Variants in PHLDB3 observed in about 807,000 individuals in gnomAD.
PHLDB3 encodes the protein pleckstrin homology like domain family B member 3.
In PHLDB3, 86 loss-of-function variants were observed where a neutral mutation model predicts 85.7. The ratio of observed to expected loss-of-function variants is 1.00; its 90% CI spans 0.84 to 1.20. The LOEUF is 1.20. PHLDB3 is among the 50% of genes most tolerant of loss of function. The pLI, the probability that PHLDB3 is intolerant of heterozygous loss-of-function variation, is 0.00. For missense variants in PHLDB3, 995 were observed against 873.0 expected (o/e 1.14, Z -1.76); for synonymous variants, 376 against 349.8 (o/e 1.07, Z -0.83).
chr19:43,491,957 TTG>T (rs1442149206), intron 9 of PHLDB3, among the ~76,000 whole-genome samples: 5 of 142,086 alleles, frequency 3.5e-5, no homozygotes, highest in African/African-American at 1.1e-4. Flanking sequence ...TTTTTTTTTT[TTG>T]TTTTTTTTTT....
chr19:43,479,575 GGGGT>G lies in PHLDB3; in HGVS notation c.1500_1503del (p.Pro501ThrfsTer39). 1 of 1,518,276 alleles carries G rather than the reference GGGGT, an allele frequency of 6.6e-7. No homozygotes were observed. Among genetic ancestry groups the G allele is most frequent in the Non-Finnish European group, 8.9e-7 (1 of 1,119,998 alleles). The allele number at this position is 1,518,276 out of a possible 1,614,324, so 94.1% of individuals were successfully genotyped here. On this transcript the variant is annotated frameshift_variant, in exon 14 of 16. Transcript: ENST00000292140. LOFTEE classifies it high-confidence loss of function. ...TCCAAGATTCGCGGGCCTGGAGGGT[GGGGT>G]GGGGTGGGTGGGGCCTGGGGAGCAA... is the stretch of plus-strand genomic sequence containing the variant.
intron 2 of PHLDB3, 148 bp from the exon 3 acceptor site, chr19:43,502,431 C>G: frequency 1.4e-6 from 1 of 691,866 alleles, no homozygotes; most frequent in Non-Finnish European, 2.2e-6. Context: ...TAATCTGTCG[C>G]AGGCTCTTTT....
Position 43,503,942 on chromosome 19 carries a change from C to T in PHLDB3, c.177G>A (p.Val59=). ...GAEQQAEEEE[V]GEGSSTESSR... is the part of the protein sequence containing the mutation. ...TGCTCTCAGTGCTGCTGCCTTCTCCCACTTCTTCTTCCTCTGCCTGCTGCT... is the reference window on the plus strand; with the variant it reads ...TGCTCTCAGTGCTGCTGCCTTCTCCTACTTCTTCTTCCTCTGCCTGCTGCT... The change falls in exon 2 of 16, where the codon GTG becomes GTA. Residue 59 remains valine (V), a synonymous_variant. Coordinates refer to ENST00000292140, the MANE Select transcript of PHLDB3 (RefSeq NM_198850.4). 2 of 1,613,932 alleles carry T rather than the reference C, an allele frequency of 1.2e-6. No homozygotes were observed. Among genetic ancestry groups the T allele is most frequent in the Non-Finnish European group, 8.5e-7 (1 of 1,179,826 alleles).
Position 43,502,364 on chromosome 19 carries a change from C to T in PHLDB3, c.214-81G>A, listed in dbSNP as rs73552561. ...AGTAGGTCTGGTCCCCACCCAACAT[C>T]ACCCTCTGCGGGTCTCAGTCCATCA... is the stretch of plus-strand genomic sequence containing the variant. On this transcript the variant is annotated intron_variant, in intron 2 of 15. Coordinates refer to ENST00000292140, the MANE Select transcript of PHLDB3 (RefSeq NM_198850.4). 5,574 of 1,384,948 alleles carry T rather than the reference C, an allele frequency of 4.0e-3. 135 individuals are homozygous for T. The African/African-American group carries it at 0.061, about 15-fold the overall frequency. The allele number at this position is 1,384,948 out of a possible 1,614,324, so 85.8% of individuals were successfully genotyped here. A position where few individuals can be genotyped will look rare whatever the true frequency, so the allele number is the denominator to read the frequency against.
intron 9 of PHLDB3, among the ~76,000 whole-genome samples, chr19:43,493,753 A>T (rs1263443071): frequency 6.6e-6 from 1 of 151,088 alleles, no homozygotes; most frequent in Admixed American, 6.6e-5. Context: ...TAGCATATGT[A>T]CCCCATAAAT....
At position 43,501,782 on chromosome 19, in the gene PHLDB3, C is replaced by T. The variant is rs1307473076; in HGVS notation, c.486G>A (p.Leu162=). 2.5e-6 allele frequency: 4 copies of T among 1,586,436 alleles called. No individual in the cohort carries two copies. In the African/African-American group the frequency reaches 4.0e-5, roughly 16 times the overall value. The change falls in exon 4 of 16, where the codon CTG becomes CTA. Residue 162 remains leucine, a synonymous_variant. Transcript: ENST00000292140. ...GCTGCTCCGAGGCCGCCTGCTGCTC[C>T]AGCAGCTCCCGCAGCTGCTCCTCCT... The part of the protein sequence containing the change: ...RREEEQLREL[L]EQQAASEQRG...
At chr19:43,490,628 C>T (rs1313392828) in intron 9 of PHLDB3, among the ~76,000 whole-genome samples, 1 of 152,174 alleles carries the variant, frequency 6.6e-6, no homozygotes, top group Admixed American at 6.6e-5. Context: ...AGAGAAGAAA[C>T]TGAGGCTCAA....
rs371187994 is a variant in PHLDB3 at position 43,489,366 on chromosome 19, A to G, written c.1150-2243T>C. Among the ~76,000 whole-genome samples the G allele has an allele frequency of 8.5e-3, 991 of 115,908 alleles. 8 individuals are homozygous for G. The highest frequency in any genetic ancestry group is 0.031 in the African/African-American group (957 of 30,398). 76.0% of individuals were successfully genotyped at this position (115,908 alleles called of 152,430 possible). A position where few individuals can be genotyped will look rare whatever the true frequency, so the allele number is the denominator to read the frequency against. On this transcript the variant is annotated intron_variant, in intron 9 of 15. Transcript: ENST00000292140. ...TGGGCGACAGTGAGATCTATCTCTTAAAGTTTTTTTTTTTTTTTTTTTAAG... is the reference window on the plus strand; with the variant it reads ...TGGGCGACAGTGAGATCTATCTCTTGAAGTTTTTTTTTTTTTTTTTTTAAG...
chr19:43,492,906 A>C (rs1001990156), intron 9 of PHLDB3, among the ~76,000 whole-genome samples: 1 of 152,140 alleles, frequency 6.6e-6, no homozygotes, highest in Non-Finnish European at 1.5e-5. Flanking sequence ...TATTATTATT[A>C]TTGTAAAGTC....
intron 14 of PHLDB3, 111 bp downstream of exon 14, chr19:43,479,266 A>G: frequency 8.6e-7 from 1 of 1,157,508 alleles, no homozygotes; most frequent in African/African-American, 1.5e-5. Context: ...AAACTTCTGG[A>G]TCCTGGGGAA....
Position 43,504,069 on chromosome 19 carries a change from G to A in PHLDB3, c.50C>T (p.Pro17Leu), listed in dbSNP as rs147649189. The change falls in exon 2 of 16, where the codon CCG becomes CTG. Residue 17 changes from proline to leucine, a missense_variant. Pro to Leu is a moderately conservative substitution (Grantham distance 98). Coordinates refer to ENST00000292140, the MANE Select transcript of PHLDB3 (RefSeq NM_198850.4). ...GGGCTGGACCTCCACGTCGCATTCCGGGACCAGCGGCGGCGGGGTCCCCTC... is the reference window on the plus strand; with the variant it reads ...GGGCTGGACCTCCACGTCGCATTCCAGGACCAGCGGCGGCGGGGTCCCCTC... ...PEEGTPPPLV[P>L]ECDVEVQPQG... 1,122 of 1,613,020 alleles carry A rather than the reference G, an allele frequency of 7.0e-4. 1 individual carries two copies. The highest frequency in any genetic ancestry group is 1.0e-3 in the South Asian group (93 of 90,926).
intron 3 of PHLDB3, 29 bp from the exon 4 acceptor site, chr19:43,501,900 T>C (rs1450835248): frequency 2.6e-6 from 4 of 1,561,480 alleles, no homozygotes; most frequent in African/African-American, 2.7e-5. Context: ...GGCTGGGGGC[T>C]CGGACGCCTA....
rs1971188417 is a variant in PHLDB3 at position 43,487,123 on chromosome 19, C to G, written c.1150G>C (p.Gly384Arg). 1 of 1,557,068 alleles carries G rather than the reference C, an allele frequency of 6.4e-7. No homozygotes were observed. The highest frequency in any genetic ancestry group is 2.4e-5 in the East Asian group (1 of 41,580). Residue 384 changes from glycine to arginine, a missense_variant and splice_region_variant, in exon 10 of 16, where the codon GGC becomes CGC. Physicochemically the swap from Gly to Arg is moderately radical, Grantham distance 125. Transcript: ENST00000292140. Reference protein sequence around the residue: ...CLFSVHSSLQGSIGLQRTGSL... With the variant: ...CLFSVHSSLQRSIGLQRTGSL... ...CCAGTCCTCTGGAGGCCAATGGAGC[C>G]CTGAAAACACAAAAGGCTCATGAGC...
In PHLDB3 at chr19:43,487,128, A is replaced by G. The variant is rs114622625; in HGVS notation, c.1150-5T>C. On this transcript the variant is annotated splice_polypyrimidine_tract_variant and splice_region_variant and intron_variant, in intron 9 of 15. Coordinates refer to ENST00000292140, the MANE Select transcript of PHLDB3 (RefSeq NM_198850.4). ...CCTCTGGAGGCCAATGGAGCCCTGA[A>G]AACACAAAAGGCTCATGAGCATAGG... is the stretch of plus-strand genomic sequence containing the variant. 2,082 of 1,555,850 alleles carry G rather than the reference A, an allele frequency of 1.3e-3. 20 individuals carry two copies. The African/African-American group carries it at 0.02, about 15-fold the overall frequency.
Position 43,497,799 on chromosome 19 carries a change from G to T in PHLDB3, c.612C>A (p.Leu204=). The T allele has an allele frequency of 6.4e-7, 1 of 1,558,584 alleles. No homozygotes were observed. Among genetic ancestry groups the T allele is most frequent in the Non-Finnish European group, 8.7e-7 (1 of 1,151,158 alleles). Residue 204 remains leucine (L), a synonymous_variant, in exon 5 of 16, where the codon CTC becomes CTA. Coordinates refer to ENST00000292140, the MANE Select transcript of PHLDB3 (RefSeq NM_198850.4). ...CGCGTTGGTCCTCTGGCTGTGAGTCGAGCTGTCCCTGGGCCTTGCGGAGTC... is the reference window on the plus strand; with the variant it reads ...CGCGTTGGTCCTCTGGCTGTGAGTCTAGCTGTCCCTGGGCCTTGCGGAGTC... ...RQRLRKAQGQ[L]DSQPEDQRER...
chr19:43,479,263 TG>T, intron 14 of PHLDB3, 113 bp downstream of exon 14: 1 of 1,135,352 alleles, frequency 8.8e-7, no homozygotes, highest in Non-Finnish European at 1.3e-6. Context: ...ACCAAACTTC[TG>T]GATCCTGGGG....
At chr19:43,502,317 G>A (rs1971628119) in intron 2 of PHLDB3, 34 bp from the exon 3 acceptor site, 1 of 1,525,364 alleles carries the variant, frequency 6.6e-7, no homozygotes, top group Non-Finnish European at 8.8e-7. Flanking sequence ...AAGTGGAGAT[G>A]CCTCGCCCCC....
intron 6 of PHLDB3, 144 bp from the exon 7 acceptor site, chr19:43,495,764 C>A (rs570860276): frequency 1.7e-5 from 20 of 1,189,348 alleles, no homozygotes; most frequent in Non-Finnish European, 2.3e-5. Context: ...GGGGACCCAG[C>A]GTTCAGCTCC....
intron 4 of PHLDB3, among the ~76,000 whole-genome samples, chr19:43,500,895 G>GGCC (rs1971570922): frequency 1.5e-4 from 5 of 33,572 alleles, no homozygotes; most frequent in Non-Finnish European, 2.1e-4. Flanking sequence ...CTCCCACTTT[G>GGCC]CCCCGCCCCC....
Sources: gnomAD v4.1 joint callset for allele counts (sites outside exome capture counted in the v4.1 genomes callset) on GRCh38, gnomAD v4.1.1 for gene constraint, MANE v1.5 for transcripts, NCBI Gene and HGNC (gene_info 2026-07-23, HGNC 2026-07-21) for gene names.